The following UGT1A6 variants were observed in gnomAD, a reference collection of about 807,000 sequenced individuals.
UGT1A6 encodes the protein UDP glucuronosyltransferase family 1 member A6.
A neutral mutation model predicts 44.4 loss-of-function variants in UGT1A6; 32 were observed. The observed-to-expected ratio is 0.72, with a 90% CI of 0.54 to 0.97. UGT1A6 has a LOEUF of 0.97. UGT1A6 is among the 50% of genes least tolerant of loss of function. The pLI, the probability that UGT1A6 is intolerant of heterozygous loss-of-function variation, is 0.00. For missense variants in UGT1A6, 685 were observed against 661.9 expected (o/e 1.03, Z -0.38); for synonymous variants, 238 against 248.5 (o/e 0.96, Z 0.40).
At chr2:233,717,819 G>T in intron 1 of UGT1A6, 1 of 455,582 alleles carries the variant, frequency 2.2e-6, no homozygotes, top group Non-Finnish European at 4.4e-6. Flanking sequence ...TATGCAGCCC[G>T]TTCTGTTCTG....
At chr2:233,760,928 T>C (rs1276169722) in intron 1 of UGT1A6, 2 of 1,614,184 alleles carry the variant, frequency 1.2e-6, no homozygotes, top group Non-Finnish European at 1.7e-6. Context: ...AAGAACATGC[T>C]CATTGCCTTT....
intron 1 of UGT1A6, among the ~76,000 whole-genome samples, chr2:233,705,131 C>T (rs1289244269): frequency 5.8e-5 from 6 of 104,174 alleles, no homozygotes; most frequent in South Asian, 6.9e-4. Flanking sequence ...AGCGAGACTT[C>T]GTCTGAAAAA....
chr2:233,737,416 C>T (rs1321045619), intron 1 of UGT1A6, among the ~76,000 whole-genome samples: 5 of 152,210 alleles, frequency 3.3e-5, no homozygotes, highest in Non-Finnish European at 7.3e-5. Context: ...TTGGGAAAAG[C>T]ACAGTATTTG....
chr2:233,718,891 C>A (rs1334385335), intron 1 of UGT1A6: 1 of 1,613,996 alleles, frequency 6.2e-7, no homozygotes, highest in East Asian at 2.2e-5. Flanking sequence ...AGTGTCCAGC[C>A]CTGGGCTGAG....
intron 1 of UGT1A6, among the ~76,000 whole-genome samples, chr2:233,730,402 A>G (rs1395963298): frequency 2.6e-5 from 4 of 152,200 alleles, no homozygotes; most frequent in Non-Finnish European, 1.5e-5. Flanking sequence ...AGTAAATTAC[A>G]ATTGTTGACA....
At chr2:233,707,648 A>G (rs1301203281) in intron 1 of UGT1A6, among the ~76,000 whole-genome samples, 1 of 151,666 alleles carries the variant, frequency 6.6e-6, no homozygotes, top group Non-Finnish European at 1.5e-5. Context: ...GTATGAATAC[A>G]CCACAATTTT....
At chr2:233,707,185 G>A (rs1175311171) in intron 1 of UGT1A6, among the ~76,000 whole-genome samples, 1 of 152,072 alleles carries the variant, frequency 6.6e-6, no homozygotes, top group African/African-American at 2.4e-5. Flanking sequence ...CTGGGTGCCT[G>A]CCCTCCGTTC....
At chr2:233,753,157 T>C (rs1695143636) in intron 1 of UGT1A6, 2 of 152,228 alleles carry the variant, frequency 1.3e-5, no homozygotes, top group African/African-American at 2.4e-5. Context: ...TAAGTTCCCT[T>C]ATCCGGATCA....
intron 1 of UGT1A6, among the ~76,000 whole-genome samples, chr2:233,721,122 T>G (rs2076922225): frequency 6.6e-6 from 1 of 152,196 alleles, no homozygotes; most frequent in Admixed American, 6.5e-5. Context: ...GTACTTCTTT[T>G]TATTAGTGTA....
chr2:233,756,837 CA>C (rs1471167768), intron 1 of UGT1A6, among the ~76,000 whole-genome samples: 1 of 151,888 alleles, frequency 6.6e-6, no homozygotes, highest in African/African-American at 2.4e-5. Context: ...AATGATTAAC[CA>C]AAGAACATTC....
At chr2:233,721,825 G>T in intron 1 of UGT1A6, 1 of 515,562 alleles carries the variant, frequency 1.9e-6, no homozygotes, top group Non-Finnish European at 3.9e-6. Context: ...ACCCTATTTG[G>T]GCCACCGACC....
chr2:233,698,273 C>T (rs2075433306), intron 1 of UGT1A6, among the ~76,000 whole-genome samples: 1 of 152,068 alleles, frequency 6.6e-6, no homozygotes, highest in African/African-American at 2.4e-5. Flanking sequence ...CAAACCATTT[C>T]AACACTATGA....
Position 233,772,820 on chromosome 2 carries a change from C to A in UGT1A6, c.*261C>A. On this transcript the variant is annotated 3_prime_UTR_variant, in exon 5 of 5. Coordinates refer to ENST00000305139, the MANE Select transcript of UGT1A6 (RefSeq NM_001072.4). ...TGCCATTTTTCAGAGGACGTGCAGACAGGCTGGCATTCTAGATTACTTTTC... is the reference window on the plus strand; with the variant it reads ...TGCCATTTTTCAGAGGACGTGCAGAAAGGCTGGCATTCTAGATTACTTTTC... 1 of 980,890 alleles carries A rather than the reference C, an allele frequency of 1.0e-6. No individual in the cohort carries two copies. The highest frequency in any genetic ancestry group is 1.4e-6 in the Non-Finnish European group (1 of 712,708). 60.8% of individuals were successfully genotyped at this position (980,890 alleles called of 1,614,324 possible).
intron 1 of UGT1A6, chr2:233,760,107 A>T: frequency 8.4e-7 from 1 of 1,186,456 alleles, no homozygotes; most frequent in South Asian, 1.6e-5. Flanking sequence ...GCCTATTAAG[A>T]AACCTAATAA....
chr2:233,712,420 A>G (rs1330088070), intron 1 of UGT1A6, among the ~76,000 whole-genome samples: 3 of 152,190 alleles, frequency 2.0e-5, no homozygotes, highest in African/African-American at 7.2e-5. Context: ...GCTTTACAAG[A>G]AATATCCTGG....
chr2:233,719,132 A>C (rs373602050), intron 1 of UGT1A6: 15 of 1,614,240 alleles, frequency 9.3e-6, no homozygotes, highest in African/African-American at 1.3e-5. Flanking sequence ...TTGAAACAGA[A>C]CATCTTCTGA....
intron 1 of UGT1A6, among the ~76,000 whole-genome samples, chr2:233,764,630 G>T (rs2126011376): frequency 6.6e-6 from 1 of 152,148 alleles, no homozygotes; most frequent in Middle Eastern, 3.4e-3. Context: ...GAAGAGCAAA[G>T]GTCCTAGGAA....
chr2:233,760,713 A>G (rs1697537023), intron 1 of UGT1A6: 3 of 1,614,082 alleles, frequency 1.9e-6, no homozygotes, highest in African/African-American at 2.7e-5. Context: ...CCCTGGCAGA[A>G]AGCAGCTTTG....
chr2:233,703,422 ATTGC>A (rs1478163574), intron 1 of UGT1A6, among the ~76,000 whole-genome samples: 1 of 151,304 alleles, frequency 6.6e-6, no homozygotes, highest in East Asian at 1.9e-4. Context: ...ATTTTTCTCT[ATTGC>A]TTCTCTATTT....
Sources: allele counts gnomAD v4.1 joint callset (sites outside exome capture counted in the v4.1 genomes callset), GRCh38; gene constraint gnomAD v4.1.1; transcripts MANE v1.5; gene names NCBI Gene and HGNC (gene_info 2026-07-23, HGNC 2026-07-21).